MDN1: variants seen among roughly 807,000 people sequenced by gnomAD.
MDN1 encodes midasin AAA ATPase 1.
A neutral mutation model predicts 669.2 loss-of-function variants in MDN1; 266 were observed. That is an observed-to-expected ratio of 0.40 (90% CI 0.36 to 0.44). The LOEUF (loss-of-function observed/expected upper bound fraction) is 0.44, where lower values mean the gene tolerates loss of function less well. Ranked by LOEUF, MDN1 falls within the 20% of genes least tolerant of loss-of-function variation. The pLI is 1.00. For synonymous variants in MDN1, 2,385 were observed against 2,457.1 expected (o/e 0.97, Z 0.87); for missense variants, 5,940 against 6,754.0 (o/e 0.88, Z 4.22).
In MDN1 at chr6:89,694,467, A is replaced by G. The variant is rs552622131; in HGVS notation, c.9772-284T>C. On this transcript the variant is annotated intron_variant, in intron 61 of 101. Transcript: ENST00000369393. ...TTCCTTCTTCAAAATATGTACTAAC[A>G]TACCATCATCTTAATGTATTTAGTT... 2.6e-5 allele frequency among the ~76,000 whole-genome samples: 4 copies of G among 152,382 alleles called. No individual in the cohort carries two copies. In the South Asian group the frequency reaches 6.2e-4, roughly 24 times the overall value.
chr6:89,743,049 T>G (rs940395951), intron 31 of MDN1, 101 bp downstream of exon 31: 4 of 1,433,832 alleles, frequency 2.8e-6, no homozygotes, highest in Non-Finnish European at 3.8e-6. Context: ...GACACGGCAC[T>G]GCAGCCTGGG....
intron 1 of MDN1, among the ~76,000 whole-genome samples, chr6:89,815,893 G>A (rs908314443): frequency 6.6e-6 from 1 of 152,200 alleles, no homozygotes; most frequent in Admixed American, 6.5e-5. Flanking sequence ...AGGCATAGGA[G>A]ATAGTTCCAG....
Position 89,743,504 on chromosome 6 carries a change from ACC to A in MDN1, c.4317+70_4317+71del, listed in dbSNP as rs1268925989. 34 of 1,529,630 alleles carry A rather than the reference ACC, an allele frequency of 2.2e-5. No homozygotes were observed. The Admixed American group carries it at 6.7e-4, about 30-fold the overall frequency. 94.8% of individuals were successfully genotyped at this position (1,529,630 alleles called of 1,614,324 possible). A position where few individuals can be genotyped will look rare whatever the true frequency, so the allele number is the denominator to read the frequency against. On this transcript the variant is annotated intron_variant, in intron 30 of 101. Transcript: ENST00000369393. Reference sequence around the variant, plus strand: ...ACCAAACCAGAACCCAGCTCCAGAAACCCCACCACTAACTCATGCACAGCTAA... The same window carrying A: ...ACCAAACCAGAACCCAGCTCCAGAAACCACCACTAACTCATGCACAGCTAA...
chr6:89,726,478 A>G (rs1164454475), intron 37 of MDN1, among the ~76,000 whole-genome samples: 2 of 145,390 alleles, frequency 1.4e-5, no homozygotes, highest in Non-Finnish European at 3.0e-5. Context: ...AAAAAAGAAA[A>G]ATAGAAAAAA....
At position 89,753,577 on chromosome 6, in the gene MDN1, G is replaced by A. The variant is rs1399509004; in HGVS notation, c.3010C>T (p.Pro1004Ser). Reference sequence around the variant, plus strand: ...TGACAGATGAGCTTCTGAACTATTGGGTGTGATGCCCTGTCAAGCTGTGTT... The same window carrying A: ...TGACAGATGAGCTTCTGAACTATTGAGTGTGATGCCCTGTCAAGCTGTGTT... ...FLTQLDRASH[P>S]IVQKLICQHI... Residue 1004 changes from proline to serine, a missense_variant, in exon 22 of 102, where the codon CCA becomes TCA. Transcript: ENST00000369393. 6 of 1,613,820 alleles carry A rather than the reference G, an allele frequency of 3.7e-6. No individual in the cohort carries two copies. The highest frequency in any genetic ancestry group is 5.1e-6 in the Non-Finnish European group (6 of 1,179,760).
At chr6:89,719,634 T>C (rs539574851) in intron 40 of MDN1, among the ~76,000 whole-genome samples, 1 of 152,328 alleles carries the variant, frequency 6.6e-6, no homozygotes, top group Non-Finnish European at 1.5e-5. Flanking sequence ...CCACCTCCTA[T>C]GTACCAAACA....
Position 89,713,270 on chromosome 6 carries a change from G to A in MDN1, c.7096C>T (p.Leu2366=), listed in dbSNP as rs759836302. The A allele has an allele frequency of 1.5e-5, 25 of 1,613,138 alleles. No individual in the cohort carries two copies. Among genetic ancestry groups the A allele is most frequent in the Non-Finnish European group, 2.0e-5 (24 of 1,179,624 alleles). The change falls in exon 47 of 102, where the codon CTA becomes TTA. Residue 2366 remains leucine, a synonymous_variant. Transcript: ENST00000369393. ...VGSPTSSVST[L]IQTAILIVQY... is the part of the protein sequence containing the mutation. The stretch of plus-strand genomic sequence containing the variant: ...ACAATTAGTATGGCTGTCTGGATTA[G>A]AGTTGATACAGAAGATGTTGGAGAA...
chr6:89,788,090 G>T (rs1819060355), intron 7 of MDN1, 133 bp from the exon 8 acceptor site: 24 of 758,352 alleles, frequency 3.2e-5, no homozygotes, highest in Middle Eastern at 3.4e-4. Context: ...TCCAAACTGG[G>T]GTCAGTATGC....
chr6:89,675,921 G>A (rs936201059), intron 77 of MDN1, 181 bp downstream of exon 77: 2 of 582,134 alleles, frequency 3.4e-6, no homozygotes, highest in African/African-American at 1.9e-5. Flanking sequence ...ATTTATTTAA[G>A]GTGTTCTGAT....
At chr6:89,744,653 T>G (rs1221033088) in intron 29 of MDN1, among the ~76,000 whole-genome samples, 2 of 151,970 alleles carry the variant, frequency 1.3e-5, no homozygotes. Context: ...TCCGCCTGCC[T>G]CAGCCTCCCA....
At chr6:89,687,544 T>G in intron 67 of MDN1, 106 bp from the exon 68 acceptor site, 1 of 823,644 alleles carries the variant, frequency 1.2e-6, no homozygotes, top group Non-Finnish European at 1.9e-6. Context: ...TACTGGGCCC[T>G]TAAACAACTT....
intron 69 of MDN1, among the ~76,000 whole-genome samples, chr6:89,686,559 G>A (rs535050107): frequency 6.6e-6 from 1 of 152,328 alleles, no homozygotes; most frequent in South Asian, 2.1e-4. Context: ...ATAAAAGACT[G>A]TTCATTCAAG....
At chr6:89,759,105 T>C in intron 17 of MDN1, 145 bp from the exon 18 acceptor site, 1 of 750,064 alleles carries the variant, frequency 1.3e-6, no homozygotes, top group Non-Finnish European at 2.1e-6. Context: ...TGACAGCAGA[T>C]AGGCAGAGTT....
intron 15 of MDN1, among the ~76,000 whole-genome samples, chr6:89,768,787 C>T (rs1251417665): frequency 6.6e-6 from 1 of 151,844 alleles, no homozygotes; most frequent in Non-Finnish European, 1.5e-5. Context: ...CCAAGACCAG[C>T]TACAGTGCCT....
rs1816975016 is a variant in MDN1, at chr6:89,751,887, A to T, written c.3076-305T>A. On this transcript the variant is annotated intron_variant, in intron 22 of 101. Coordinates refer to ENST00000369393, the MANE Select transcript of MDN1 (RefSeq NM_014611.3). ...CAAAATGCCCACTCCAATTATTTTT[A>T]TCAAAAACATGAATTTCATATAAAC... Among the ~76,000 whole-genome samples the T allele has an allele frequency of 1.3e-5, 2 of 152,190 alleles. 1 individual carries two copies.
At chr6:89,769,029 G>C (rs1817951576) in intron 15 of MDN1, among the ~76,000 whole-genome samples, 1 of 151,830 alleles carries the variant, frequency 6.6e-6, no homozygotes, top group Admixed American at 6.6e-5. Flanking sequence ...ACTCCAGTCT[G>C]GATGACAAAG....
chr6:89,684,445 A>G lies in MDN1; in HGVS notation c.11829+431T>C, dbSNP rs953784527. ...ACAGTCATTAAGTCACCTGACATAT[A>G]CTCCAGCTTAGGAACCACCAAGTTA... On this transcript the variant is annotated intron_variant, in intron 71 of 101. Transcript: ENST00000369393. Among the ~76,000 whole-genome samples, 7 of 151,934 alleles carry G rather than the reference A, an allele frequency of 4.6e-5. No individual in the cohort carries two copies. The Middle Eastern group carries it at 0.01, about 225-fold the overall frequency.
chr6:89,677,547 A>G, intron 76 of MDN1, 23 bp downstream of exon 76: 1 of 1,612,182 alleles, frequency 6.2e-7, no homozygotes, highest in Non-Finnish European at 8.5e-7. Context: ...AGTAGGGAAA[A>G]AACAAAACAA....
chr6:89,680,551 C>T, intron 74 of MDN1, 38 bp downstream of exon 74: 1 of 1,599,488 alleles, frequency 6.3e-7, no homozygotes, highest in South Asian at 1.1e-5. Flanking sequence ...CTGGGGAAAA[C>T]AGAAAGATCC....
Sources: allele counts gnomAD v4.1 joint callset (sites outside exome capture counted in the v4.1 genomes callset), GRCh38; gene constraint gnomAD v4.1.1; transcripts MANE v1.5; gene names NCBI Gene and HGNC (gene_info 2026-07-23, HGNC 2026-07-21).